Variants in PCDH15 observed in about 807,000 individuals in gnomAD.
PCDH15 encodes the protein protocadherin-15.
A neutral mutation model predicts 178.5 loss-of-function variants in PCDH15; 129 were observed. That is an observed-to-expected ratio of 0.72 (90% CI 0.63 to 0.84). The LOEUF (loss-of-function observed/expected upper bound fraction) is 0.84. Ranked by LOEUF, PCDH15 falls within the 40% of genes least tolerant of loss-of-function variation. The pLI is 0.00. For synonymous variants in PCDH15, 800 were observed against 732.0 expected, an observed-to-expected ratio of 1.09 and a Z score of -1.50; for missense variants, 2,230 against 2,099.9, an observed-to-expected ratio of 1.06 and a Z score of -1.21.
intron 3 of PCDH15, among the ~76,000 whole-genome samples, chr10:54,498,903 C>T (rs895935006): frequency 1.3e-5 from 2 of 152,056 alleles, no homozygotes; most frequent in African/African-American, 2.4e-5. Context: ...GGGAAGTAGG[C>T]ACTTCCTCAC....
At chr10:55,493,227 C>G (rs1366988379) in intron 2 of PCDH15, among the ~76,000 whole-genome samples, 1 of 151,240 alleles carries the variant, frequency 6.6e-6, no homozygotes, top group African/African-American at 2.4e-5. Flanking sequence ...TGCACAGACC[C>G]ACACTCAGAT....
At chr10:53,828,121 G>A (rs1469168238) in intron 31 of PCDH15, among the ~76,000 whole-genome samples, 3 of 142,290 alleles carry the variant, frequency 2.1e-5, no homozygotes, top group Non-Finnish European at 3.0e-5. Context: ...CAGGAGAATC[G>A]CTTGAACCCG....
intron 2 of PCDH15, among the ~76,000 whole-genome samples, chr10:55,569,108 C>A (rs1842358655): frequency 6.6e-6 from 1 of 151,984 alleles, no homozygotes; most frequent in African/African-American, 2.4e-5. Context: ...CCACATCTAC[C>A]GTACTCCCAT....
intron 2 of PCDH15, among the ~76,000 whole-genome samples, chr10:54,622,697 ATT>A (rs1209037007): frequency 3.6e-5 from 3 of 84,136 alleles, no homozygotes; most frequent in Non-Finnish European, 6.8e-5. Context: ...TATAATATAT[ATT>A]TTCTATATAT....
intron 3 of PCDH15, among the ~76,000 whole-genome samples, chr10:54,491,554 G>A (rs186433520): frequency 3.7e-3 from 568 of 152,196 alleles, no homozygotes; most frequent in Admixed American, 8.2e-3. Context: ...GTTAAGAAGA[G>A]AAATTTAACT....
intron 2 of PCDH15, among the ~76,000 whole-genome samples, chr10:55,606,511 A>G (rs1168291051): frequency 6.8e-6 from 1 of 147,764 alleles, no homozygotes; most frequent in Non-Finnish European, 1.5e-5. Context: ...ACAAGGCTAC[A>G]GTAACCAAAA....
chr10:55,085,706 A>G (rs1433914806), intron 2 of PCDH15, among the ~76,000 whole-genome samples: 1 of 151,908 alleles, frequency 6.6e-6, no homozygotes, highest in African/African-American at 2.4e-5. Context: ...ATTTTCATAT[A>G]TATAGTCAAA....
intron 2 of PCDH15, among the ~76,000 whole-genome samples, chr10:54,981,607 G>C (rs1014246730): frequency 6.6e-6 from 1 of 151,880 alleles, no homozygotes; most frequent in African/African-American, 2.4e-5. Context: ...TAAACAAAAG[G>C]GTTTTTTTCT....
chr10:54,930,121 A>G (rs901318279), intron 2 of PCDH15, among the ~76,000 whole-genome samples: 4 of 152,196 alleles, frequency 2.6e-5, no homozygotes, highest in Non-Finnish European at 5.9e-5. Context: ...TGACATCTCC[A>G]TCTTTCCTTT....
chr10:55,376,316 T>G (rs955947852), intron 2 of PCDH15, among the ~76,000 whole-genome samples: 1 of 152,110 alleles, frequency 6.6e-6, no homozygotes, highest in African/African-American at 2.4e-5. Context: ...ATTTGCATTA[T>G]GTTAAGCGGT....
At chr10:55,006,949 C>T (rs565747312) in intron 2 of PCDH15, among the ~76,000 whole-genome samples, 1 of 152,240 alleles carries the variant, frequency 6.6e-6, no homozygotes, top group African/African-American at 2.4e-5. Context: ...GAAGATCCTT[C>T]ATGGCTTAGT....
upstream of PCDH15, among the ~76,000 whole-genome samples, chr10:55,324,176 T>G (rs1412433918): frequency 2.0e-5 from 3 of 152,160 alleles, no homozygotes; most frequent in Non-Finnish European, 4.4e-5. Flanking sequence ...TCCATTAAAT[T>G]TATTTCCTTT....
intron 2 of PCDH15, among the ~76,000 whole-genome samples, chr10:55,471,319 T>C (rs1589057959): frequency 6.6e-6 from 1 of 152,206 alleles, no homozygotes; most frequent in Non-Finnish European, 1.5e-5. Flanking sequence ...CTTTAGTTTG[T>C]AGAAAGATTT....
Position 53,840,321 on chromosome 10 carries a change from TA to T in PCDH15, c.3981del (p.Phe1327LeufsTer34). The T allele has an allele frequency of 6.2e-7, 1 of 1,614,020 alleles. No individual in the cohort carries two copies. The highest frequency in any genetic ancestry group is 8.5e-7 in the Non-Finnish European group (1 of 1,179,882). On this transcript the variant is annotated frameshift_variant and splice_region_variant, in exon 29 of 38. Transcript: ENST00000644397. LOFTEE classifies it high-confidence loss of function. ...TTACAGATAACAAAAAGCACTTACT[TA>T]AAAAGCTCATTTCTATCGATGGCTC... ...TNRAIDRNEL[F>X]KFLDGKLLDI...
At chr10:54,254,679 T>C (rs1238661832) in intron 8 of PCDH15, among the ~76,000 whole-genome samples, 2 of 152,172 alleles carry the variant, frequency 1.3e-5, no homozygotes, top group Admixed American at 1.3e-4. Context: ...CACTTGGTTT[T>C]AATGTTTGAA....
chr10:55,427,647 C>A (rs1838789234), intron 2 of PCDH15, among the ~76,000 whole-genome samples: 1 of 152,148 alleles, frequency 6.6e-6, no homozygotes, highest in Non-Finnish European at 1.5e-5. Context: ...AATGTGTTTA[C>A]AAATGGGTTC....
intron 1 of PCDH15, among the ~76,000 whole-genome samples, chr10:55,200,444 T>C (rs1210844852): frequency 6.6e-6 from 1 of 152,052 alleles, no homozygotes; most frequent in Non-Finnish European, 1.5e-5. Flanking sequence ...AGTAAGTAAT[T>C]TGAACTTGTG....
intron 1 of PCDH15, among the ~76,000 whole-genome samples, chr10:55,317,783 T>C (rs927961560): frequency 2.0e-5 from 3 of 150,148 alleles, no homozygotes; most frequent in Admixed American, 6.6e-5. Flanking sequence ...CAAAGTCAGA[T>C]GGGGAAAAGT....
intron 2 of PCDH15, among the ~76,000 whole-genome samples, chr10:55,362,734 G>A (rs1845259913): frequency 6.6e-6 from 1 of 151,388 alleles, no homozygotes; most frequent in African/African-American, 2.4e-5. Flanking sequence ...TACCACCACA[G>A]TCAAGATACA....
Sources: gnomAD v4.1 joint callset for allele counts (sites outside exome capture counted in the v4.1 genomes callset) on GRCh38, gnomAD v4.1.1 for gene constraint, MANE v1.5 for transcripts, NCBI Gene and HGNC (gene_info 2026-07-23, HGNC 2026-07-21) for gene names.